The following TASP1 variants were observed in gnomAD, a reference collection of about 807,000 sequenced individuals.
TASP1 encodes the protein taspase 1.
In TASP1, 16 loss-of-function variants were observed where a neutral mutation model predicts 56.6. The observed-to-expected ratio is 0.28, with a 90% CI of 0.19 to 0.43. TASP1 has a LOEUF of 0.43. Ranked by LOEUF, TASP1 falls within the 20% of genes least tolerant of loss-of-function variation. The probability of loss-of-function intolerance (pLI) is 1.00; values close to 1 mark genes in which losing one functional copy is unlikely to be tolerated. For synonymous variants in TASP1, 179 were observed against 184.2 expected (o/e 0.97, Z 0.23); for missense variants, 393 against 511.6 (o/e 0.77, Z 2.24).
At chr20:13,487,814 A>G (rs905136877) in intron 10 of TASP1, among the ~76,000 whole-genome samples, 1 of 152,208 alleles carries the variant, frequency 6.6e-6, no homozygotes, top group African/African-American at 2.4e-5. Flanking sequence ...GTAAAAGGCC[A>G]AATAGTAAAT....
At chr20:13,428,660 T>C (rs978482901) in intron 12 of TASP1, among the ~76,000 whole-genome samples, 3 of 152,178 alleles carry the variant, frequency 2.0e-5, no homozygotes, top group Non-Finnish European at 4.4e-5. Flanking sequence ...AGGATGGGTG[T>C]TGCAAACATG....
intron 4 of TASP1, among the ~76,000 whole-genome samples, chr20:13,615,460 G>A (rs1401155653): frequency 6.0e-5 from 9 of 151,168 alleles, no homozygotes; most frequent in Admixed American, 2.6e-4. Context: ...ATGAAAGAAA[G>A]AGAGAGAGGA....
At chr20:13,219,737 G>A in the TASP1 span, among the ~76,000 whole-genome samples, 2 of 152,070 alleles carry the variant, frequency 1.3e-5, no homozygotes, top group Non-Finnish European at 2.9e-5. Context: ...TTCCTCTCCC[G>A]GGCACAAATA....
chr20:13,287,209 A>G, the TASP1 span, among the ~76,000 whole-genome samples: 2 of 152,224 alleles, frequency 1.3e-5, no homozygotes, highest in Non-Finnish European at 2.9e-5. Context: ...ACAGTTCCAC[A>G]TGGCTGGGGA....
the TASP1 span, among the ~76,000 whole-genome samples, chr20:13,260,988 C>T: frequency 6.6e-6 from 1 of 152,118 alleles, no homozygotes; most frequent in African/African-American, 2.4e-5. Flanking sequence ...CGTCTCTCAC[C>T]ATTCAACAGG....
chr20:13,628,595 T>C (rs2048980401), intron 2 of TASP1, among the ~76,000 whole-genome samples: 1 of 152,216 alleles, frequency 6.6e-6, no homozygotes, highest in African/African-American at 2.4e-5. Context: ...AGTCTAGATA[T>C]GGCCAAACGT....
chr20:13,611,586 C>T (rs1479054566), intron 4 of TASP1, among the ~76,000 whole-genome samples: 2 of 152,156 alleles, frequency 1.3e-5, no homozygotes, highest in African/African-American at 4.8e-5. Context: ...TACAACAATT[C>T]GCAGCCTCTA....
At chr20:13,233,888 A>G in the TASP1 span, among the ~76,000 whole-genome samples, 4 of 152,246 alleles carry the variant, frequency 2.6e-5, no homozygotes, top group African/African-American at 9.6e-5. Context: ...GACCACCAGT[A>G]TTAGCATCTC....
chr20:13,566,259 T>C (rs115417830), intron 7 of TASP1, among the ~76,000 whole-genome samples: 3,273 of 152,200 alleles, frequency 0.022, 106 homozygotes, highest in African/African-American at 0.074. Context: ...GTTAGTTCCA[T>C]AACAATAAGA....
At chr20:13,263,292 G>C in the TASP1 span, among the ~76,000 whole-genome samples, 1 of 152,056 alleles carries the variant, frequency 6.6e-6, no homozygotes, top group South Asian at 2.1e-4. Context: ...GTGCATCCTG[G>C]CTGCCTCTTT....
At chr20:13,398,399 C>T (rs1409046994) in intron 13 of TASP1, among the ~76,000 whole-genome samples, 1 of 151,438 alleles carries the variant, frequency 6.6e-6, no homozygotes, top group Non-Finnish European at 1.5e-5. Context: ...GGGGGCAGTG[C>T]GGGAGCATGG....
At chr20:13,375,413 T>G in the TASP1 span, among the ~76,000 whole-genome samples, 2 of 152,230 alleles carry the variant, frequency 1.3e-5, no homozygotes, top group African/African-American at 2.4e-5. Context: ...GGATATAAAC[T>G]CATTCTTTTT....
intron 1 of TASP1, among the ~76,000 whole-genome samples, chr20:13,637,673 G>A (rs58838270): frequency 6.6e-6 from 1 of 152,212 alleles, no homozygotes; most frequent in Non-Finnish European, 1.5e-5. Flanking sequence ...TGAAATGCCA[G>A]TATAGGAAAA....
At chr20:13,342,494 G>A in the TASP1 span, among the ~76,000 whole-genome samples, 69 of 152,278 alleles carry the variant, frequency 4.5e-4, no homozygotes, top group South Asian at 2.1e-3. Flanking sequence ...GACACAGGAG[G>A]CCACCTTGGT....
chr20:13,524,135 A>G (rs1466187577), intron 10 of TASP1, among the ~76,000 whole-genome samples: 1 of 151,902 alleles, frequency 6.6e-6, no homozygotes, highest in East Asian at 1.9e-4. Flanking sequence ...CCTAGGCGAC[A>G]GAGTGAGACT....
the TASP1 span, among the ~76,000 whole-genome samples, chr20:13,173,516 G>T: frequency 6.6e-6 from 1 of 152,172 alleles, no homozygotes; most frequent in Non-Finnish European, 1.5e-5. Flanking sequence ...TGTAAGATGT[G>T]AATGCTCTCA....
chr20:13,540,697 T>C (rs2045588570), intron 8 of TASP1, among the ~76,000 whole-genome samples: 1 of 152,116 alleles, frequency 6.6e-6, no homozygotes, highest in Admixed American at 6.5e-5. Flanking sequence ...AATCAGAAAA[T>C]TGTTATCTTC....
At chr20:13,321,251 C>CAAAAAAAAAAAAAAAAAAA in the TASP1 span, among the ~76,000 whole-genome samples, 2 of 23,710 alleles carry the variant, frequency 8.4e-5, no homozygotes, top group Middle Eastern at 0.02. Context: ...ATGTGCCCCA[C>CAAAAAAAAAAAAAAAAAAA]ATAAAAAAAA....
chr20:13,505,014 C>T (rs1368612086), intron 10 of TASP1, among the ~76,000 whole-genome samples: 2 of 151,792 alleles, frequency 1.3e-5, no homozygotes, highest in East Asian at 3.9e-4. Flanking sequence ...CATACAGACC[C>T]AACTATATGC....
Sources: allele counts gnomAD v4.1 joint callset (sites outside exome capture counted in the v4.1 genomes callset), GRCh38; gene constraint gnomAD v4.1.1; transcripts MANE v1.5; gene names NCBI Gene and HGNC (gene_info 2026-07-23, HGNC 2026-07-21).